PRKG1: variants seen among roughly 807,000 people sequenced by gnomAD.
PRKG1 encodes the protein protein kinase cGMP-dependent 1.
In PRKG1, 35 loss-of-function variants were observed where a neutral mutation model predicts 88.1. The ratio of observed to expected loss-of-function variants is 0.40; its 90% CI spans 0.30 to 0.53. PRKG1 has a LOEUF of 0.53. PRKG1 is among the 20% of genes least tolerant of loss of function. The pLI, the probability that PRKG1 is intolerant of heterozygous loss-of-function variation, is 0.59. For missense variants in PRKG1, 540 were observed against 839.8 expected (o/e 0.64, Z 4.41); for synonymous variants, 303 against 292.5 (o/e 1.04, Z -0.37).
intron 2 of PRKG1, among the ~76,000 whole-genome samples, chr10:51,362,307 G>A (rs1157537996): frequency 6.6e-6 from 1 of 151,618 alleles, no homozygotes; most frequent in Non-Finnish European, 1.5e-5. Flanking sequence ...AAATATTAAA[G>A]TTTTCTATGT....
intron 7 of PRKG1, among the ~76,000 whole-genome samples, chr10:52,091,982 A>T (rs1046577693): frequency 3.3e-5 from 5 of 152,162 alleles, no homozygotes; most frequent in Admixed American, 2.0e-4. Flanking sequence ...TCACGGTATG[A>T]CTACTTCTGG....
intron 1 of PRKG1, among the ~76,000 whole-genome samples, chr10:51,140,445 G>A (rs771362708): frequency 9.9e-5 from 15 of 152,192 alleles, no homozygotes; most frequent in Non-Finnish European, 1.9e-4. Context: ...GCAGACTACT[G>A]TGTAAAGGCA....
In PRKG1 at chr10:52,154,065, A is replaced by G. The variant is rs551781278; in HGVS notation, c.1002-7824A>G. 5.9e-5 allele frequency among the ~76,000 whole-genome samples: 8 copies of G among 135,074 alleles called. No homozygotes were observed. In the South Asian group the frequency reaches 1.8e-3, roughly 30 times the overall value. The allele number at this position is 135,074 out of a possible 152,430, so 88.6% of individuals were successfully genotyped here. ...TGGCCTTCATTTTTATTTTTATTCA[A>G]AATGGAACAAGTGATGTTCTATTTT... is the stretch of plus-strand genomic sequence containing the variant. On this transcript the variant is annotated intron_variant, in intron 8 of 17. Transcript: ENST00000373980.
chr10:52,167,274 A>G (rs777970193), intron 9 of PRKG1, among the ~76,000 whole-genome samples: 24 of 152,200 alleles, frequency 1.6e-4, no homozygotes, highest in Admixed American at 1.1e-3. Flanking sequence ...TTAAACCACC[A>G]GCTCTCACTC....
At position 51,040,832 on chromosome 10, in the gene PRKG1, A is replaced by G. The variant is rs368465681; in HGVS notation, c.266+49188A>G. Among the ~76,000 whole-genome samples the G allele has an allele frequency of 1.1e-4, 17 of 152,178 alleles. No individual in the cohort carries two copies. The South Asian group carries it at 3.5e-3, about 32-fold the overall frequency. On this transcript the variant is annotated intron_variant, in intron 1 of 17. Coordinates refer to the PRKG1 transcript ENST00000401604. ...ATCCTGCGTCTTTACTGAATTTATC[A>G]GTCCTAATAGTTTTTTGGTGGATTC...
At chr10:51,953,409 T>C (rs1168475330) in intron 5 of PRKG1, among the ~76,000 whole-genome samples, 2 of 152,172 alleles carry the variant, frequency 1.3e-5, no homozygotes, top group Non-Finnish European at 2.9e-5. Context: ...TAACTGCCAA[T>C]TGTAGCAGTG....
At chr10:51,407,990 C>T (rs962501814) in intron 2 of PRKG1, among the ~76,000 whole-genome samples, 1 of 151,782 alleles carries the variant, frequency 6.6e-6, no homozygotes, top group Non-Finnish European at 1.5e-5. Flanking sequence ...TGGCAGCTTT[C>T]TTCCCTCTAG....
At chr10:51,317,010 C>T (rs1187750902) in intron 2 of PRKG1, among the ~76,000 whole-genome samples, 3 of 152,158 alleles carry the variant, frequency 2.0e-5, no homozygotes, top group Non-Finnish European at 4.4e-5. Flanking sequence ...TTGCAAGTAG[C>T]TGGTGATCTC....
At chr10:51,400,056 G>A (rs1837693918) in intron 2 of PRKG1, among the ~76,000 whole-genome samples, 1 of 152,102 alleles carries the variant, frequency 6.6e-6, no homozygotes, top group African/African-American at 2.4e-5. Flanking sequence ...TAATTAGCCA[G>A]TCATTGTTGG....
At chr10:51,578,224 T>A (rs1413252615) in intron 3 of PRKG1, among the ~76,000 whole-genome samples, 2 of 152,130 alleles carry the variant, frequency 1.3e-5, no homozygotes, top group African/African-American at 2.4e-5. Flanking sequence ...ATAGCAATCC[T>A]TACCAAAATT....
At chr10:51,366,592 G>A (rs1234947342) in intron 2 of PRKG1, among the ~76,000 whole-genome samples, 2 of 151,824 alleles carry the variant, frequency 1.3e-5, no homozygotes. Context: ...TCTCTGTTAA[G>A]TTAACATGGC....
chr10:51,136,297 C>G, intron 1 of PRKG1, among the ~76,000 whole-genome samples: 1 of 151,872 alleles, frequency 6.6e-6, no homozygotes, highest in African/African-American at 2.4e-5. Context: ...AAGGAAGATG[C>G]ATTCAGTTGG....
chr10:51,640,531 C>A (rs1301963786), intron 3 of PRKG1, among the ~76,000 whole-genome samples: 1 of 152,152 alleles, frequency 6.6e-6, no homozygotes, highest in Non-Finnish European at 1.5e-5. Context: ...GATTGACCAA[C>A]ACTAACACAC....
intron 5 of PRKG1, among the ~76,000 whole-genome samples, chr10:51,987,154 T>C (rs1231732349): frequency 6.6e-6 from 1 of 152,150 alleles, no homozygotes; most frequent in East Asian, 1.9e-4. Flanking sequence ...TATTAAAAAA[T>C]CTTAAAGTTG....
chr10:51,947,479 G>C (rs574764337), intron 5 of PRKG1, among the ~76,000 whole-genome samples: 1 of 152,066 alleles, frequency 6.6e-6, no homozygotes, highest in African/African-American at 2.4e-5. Flanking sequence ...ACTGTCTTCC[G>C]CCCACTGTCT....
chr10:51,511,548 A>G (rs1841407108), intron 3 of PRKG1, among the ~76,000 whole-genome samples: 1 of 152,228 alleles, frequency 6.6e-6, no homozygotes, highest in African/African-American at 2.4e-5. Context: ...ATACTCATAA[A>G]AAAAGAATAT....
rs1846377677 is a variant in PRKG1, at chr10:52,067,295, T to C, written c.935+4664T>C. ...GGTTTTCTCACAAATAAAATTTGTGTGTACTCGGAATTTTGGTTTTATTCT... is the reference window on the plus strand; with the variant it reads ...GGTTTTCTCACAAATAAAATTTGTGCGTACTCGGAATTTTGGTTTTATTCT... On this transcript the variant is annotated intron_variant, in intron 7 of 17. Transcript: ENST00000373980. Among the ~76,000 whole-genome samples, 4 of 152,222 alleles carry C rather than the reference T, an allele frequency of 2.6e-5. No homozygotes were observed. The South Asian group carries it at 8.3e-4, about 31-fold the overall frequency.
chr10:51,997,124 G>T (rs193235404), intron 5 of PRKG1, among the ~76,000 whole-genome samples: 115 of 152,166 alleles, frequency 7.6e-4, no homozygotes, highest in African/African-American at 2.5e-3. Flanking sequence ...GATGCTTGGG[G>T]GGTAGAGGGC....
At chr10:51,372,950 TTTAAC>T (rs536099384) in intron 2 of PRKG1, among the ~76,000 whole-genome samples, 4 of 152,206 alleles carry the variant, frequency 2.6e-5, no homozygotes, top group Admixed American at 6.5e-5. Context: ...TTTAGGATTT[TTTAAC>T]TTATGTTCGT....
Sources: gnomAD v4.1 joint callset for allele counts (sites outside exome capture counted in the v4.1 genomes callset) on GRCh38, gnomAD v4.1.1 for gene constraint, MANE v1.5 for transcripts, NCBI Gene and HGNC (gene_info 2026-07-23, HGNC 2026-07-21) for gene names.